The following CSMD1 variants were observed in gnomAD, a reference collection of about 807,000 sequenced individuals.
CSMD1 encodes the protein CUB and Sushi multiple domains 1.
CSMD1 carries 213 observed loss-of-function variants against 417.5 expected under a neutral mutation model. That is an observed-to-expected ratio of 0.51 (90% CI 0.46 to 0.57). The LOEUF (loss-of-function observed/expected upper bound fraction) is 0.57. CSMD1 is among the 20% of genes least tolerant of loss of function. The probability of loss-of-function intolerance (pLI) is 0.00; values close to 1 mark genes in which losing one functional copy is unlikely to be tolerated. For synonymous variants in CSMD1, 2,862 were observed against 1,736.8 expected, an observed-to-expected ratio of 1.65 and a Z score of -16.11; for missense variants, 6,923 against 4,529.7, an observed-to-expected ratio of 1.53 and a Z score of -15.17.
chr8:3,503,109 A>C (rs1469900229), intron 10 of CSMD1, among the ~76,000 whole-genome samples: 1 of 152,228 alleles, frequency 6.6e-6, no homozygotes, highest in African/African-American at 2.4e-5. Flanking sequence ...TCTGTATGCA[A>C]CACATACCAA....
chr8:3,424,123 A>G (rs1036469662), intron 12 of CSMD1, among the ~76,000 whole-genome samples: 1 of 152,194 alleles, frequency 6.6e-6, no homozygotes, highest in Non-Finnish European at 1.5e-5. Flanking sequence ...ATTTATCAGT[A>G]TAGGAAGCTC....
intron 7 of CSMD1, among the ~76,000 whole-genome samples, chr8:3,676,257 T>A (rs11136651): frequency 0.15 from 22,586 of 152,198 alleles, 2,129 homozygotes; most frequent in East Asian, 0.31. Flanking sequence ...ACAGTTTTGA[T>A]CCCTGGCCCT....
Position 4,953,532 on chromosome 8 carries a change from C to T in CSMD1, c.85+40800G>A, listed in dbSNP as rs553148276. Among the ~76,000 whole-genome samples, 3 of 152,148 alleles carry T rather than the reference C, an allele frequency of 2.0e-5. No individual in the cohort carries two copies. The East Asian group carries it at 5.8e-4, about 29-fold the overall frequency. Reference sequence around the variant, plus strand: ...GGCAAGTTATGTAACTTGAACTGTGCCCTTATAAACCTTTATCTCAATTTG... The same window carrying T: ...GGCAAGTTATGTAACTTGAACTGTGTCCTTATAAACCTTTATCTCAATTTG... On this transcript the variant is annotated intron_variant, in intron 1 of 69. Coordinates refer to ENST00000635120, the MANE Select transcript of CSMD1 (RefSeq NM_033225.6).
In CSMD1 at chr8:4,444,804, G is replaced by C. The variant is rs562739328; in HGVS notation, c.303-24739C>G. 4.6e-5 allele frequency among the ~76,000 whole-genome samples: 7 copies of C among 152,142 alleles called. 1 individual carries two copies. Among genetic ancestry groups the C allele is most frequent in the Admixed American group, 2.6e-4 (4 of 15,282 alleles). ...AAGAACATATTATTCCAGATAATCA[G>C]ATGCTTGTGACCTCAGCCACAAGCC... On this transcript the variant is annotated intron_variant, in intron 2 of 69. Coordinates refer to ENST00000635120, the MANE Select transcript of CSMD1 (RefSeq NM_033225.6).
intron 59 of CSMD1, among the ~76,000 whole-genome samples, chr8:2,964,392 G>C (rs1774658488): frequency 6.6e-6 from 1 of 152,182 alleles, no homozygotes; most frequent in African/African-American, 2.4e-5. Context: ...GCGTGTTCTG[G>C]CCCAAGGGAA....
intron 2 of CSMD1, among the ~76,000 whole-genome samples, chr8:4,611,573 C>A (rs569180179): frequency 7.2e-5 from 11 of 152,154 alleles, no homozygotes; most frequent in Admixed American, 6.5e-4. Flanking sequence ...GAAGTGTTTA[C>A]ACTTCCCCTC....
intron 2 of CSMD1, among the ~76,000 whole-genome samples, chr8:4,438,442 G>A (rs1798270572): frequency 6.6e-6 from 1 of 152,186 alleles, no homozygotes; most frequent in Admixed American, 6.5e-5. Flanking sequence ...ACATGACGCT[G>A]AATGTTAACT....
At chr8:3,051,247 T>A (rs1361453742) in intron 50 of CSMD1, among the ~76,000 whole-genome samples, 1 of 152,192 alleles carries the variant, frequency 6.6e-6, no homozygotes, top group Non-Finnish European at 1.5e-5. Flanking sequence ...TGCATACACA[T>A]CATGGAATAC....
chr8:4,602,435 A>G (rs1022690739), intron 2 of CSMD1, among the ~76,000 whole-genome samples: 2 of 152,186 alleles, frequency 1.3e-5, no homozygotes, highest in Non-Finnish European at 2.9e-5. Flanking sequence ...TTGTTGAAAT[A>G]TTTATAAGGA....
At chr8:4,526,305 A>C (rs954855100) in intron 2 of CSMD1, among the ~76,000 whole-genome samples, 5 of 152,244 alleles carry the variant, frequency 3.3e-5, no homozygotes, top group African/African-American at 1.2e-4. Flanking sequence ...TAGGAAATGT[A>C]TTAATGTCAG....
chr8:4,662,789 A>G (rs1340433673), intron 1 of CSMD1, among the ~76,000 whole-genome samples: 1 of 152,136 alleles, frequency 6.6e-6, no homozygotes, highest in African/African-American at 2.4e-5. Context: ...TCCACCAGGG[A>G]TTCAAGCTCA....
In CSMD1 at chr8:3,474,188, T is replaced by C. The variant is rs544864876; in HGVS notation, c.1449-5364A>G. Reference sequence around the variant, plus strand: ...GGTTTTCTCCCACATCCCAAAGCTGTGCATGTGAGGTTTATTGGCATTAGC... The same window carrying C: ...GGTTTTCTCCCACATCCCAAAGCTGCGCATGTGAGGTTTATTGGCATTAGC... On this transcript the variant is annotated intron_variant, in intron 11 of 69. Coordinates refer to ENST00000635120, the MANE Select transcript of CSMD1 (RefSeq NM_033225.6). Among the ~76,000 whole-genome samples the C allele has an allele frequency of 1.1e-4, 17 of 152,232 alleles. 1 individual carries two copies. In the South Asian group the frequency reaches 3.5e-3, roughly 32 times the overall value.
intron 65 of CSMD1, 53 bp downstream of exon 65, chr8:2,954,171 G>T: frequency 9.8e-7 from 1 of 1,016,780 alleles, no homozygotes; most frequent in South Asian, 1.6e-5. Context: ...GTGCAGAGTA[G>T]AGAACAAATC....
At chr8:3,415,149 T>G (rs150739148) in intron 12 of CSMD1, among the ~76,000 whole-genome samples, 4 of 152,238 alleles carry the variant, frequency 2.6e-5, no homozygotes, top group African/African-American at 9.6e-5. Flanking sequence ...AAATTTAAAT[T>G]GTATATATTG....
rs138421791 is a variant in CSMD1, at chr8:3,182,749, CTGTG to C, written c.5621-1539_5621-1536del. Among the ~76,000 whole-genome samples the C allele has an allele frequency of 2.6e-4, 27 of 105,788 alleles. 2 individuals carry two copies. Among genetic ancestry groups the C allele is most frequent in the African/African-American group, 8.5e-4 (22 of 26,032 alleles). 69.4% of individuals were successfully genotyped at this position (105,788 alleles called of 152,430 possible). ...TCTGGCTGTCTCTTTATAAGAAGCT[CTGTG>C]TGTGTGTGTGTGTGTATTGTTAGAG... is the stretch of plus-strand genomic sequence containing the variant. On this transcript the variant is annotated intron_variant, in intron 36 of 69. Coordinates refer to ENST00000635120, the MANE Select transcript of CSMD1 (RefSeq NM_033225.6).
intron 12 of CSMD1, among the ~76,000 whole-genome samples, chr8:3,428,510 G>GA (rs775432157): frequency 3.0e-4 from 45 of 151,768 alleles, no homozygotes; most frequent in South Asian, 4.2e-4. Flanking sequence ...AAATGATGGG[G>GA]AAAAAAAAGA....
intron 41 of CSMD1, among the ~76,000 whole-genome samples, chr8:3,136,788 G>A (rs996972148): frequency 6.6e-6 from 1 of 152,060 alleles, no homozygotes; most frequent in Non-Finnish European, 1.5e-5. Flanking sequence ...ATACTTCTCT[G>A]GCTGAAAGCA....
intron 4 of CSMD1, 48 bp from the exon 5 acceptor site, chr8:3,998,158 T>G (rs1009959281): frequency 6.7e-7 from 1 of 1,495,552 alleles, no homozygotes; most frequent in African/African-American, 1.4e-5. Context: ...AGGATGGTTT[T>G]CATACACGAG....
At chr8:4,802,776 T>C (rs766395601) in intron 1 of CSMD1, among the ~76,000 whole-genome samples, 6 of 152,196 alleles carry the variant, frequency 3.9e-5, no homozygotes, top group Non-Finnish European at 7.3e-5. Context: ...CATTCTCGCT[T>C]CCTGACATAG....
Sources: gnomAD v4.1 joint callset for allele counts (sites outside exome capture counted in the v4.1 genomes callset) on GRCh38, gnomAD v4.1.1 for gene constraint, MANE v1.5 for transcripts, NCBI Gene and HGNC (gene_info 2026-07-23, HGNC 2026-07-21) for gene names.